Variants in TLN2 observed in about 807,000 individuals in gnomAD.
TLN2 encodes the protein talin 2, also known as talin-2.
Under a neutral mutation model 294.7 loss-of-function variants are expected in TLN2, and 118 were observed. That is an observed-to-expected ratio of 0.40 (90% CI 0.34 to 0.47). The LOEUF is 0.47. Ranked by LOEUF, TLN2 falls within the 20% of genes least tolerant of loss-of-function variation. The pLI, the probability that TLN2 is intolerant of heterozygous loss-of-function variation, is 0.84. For synonymous variants in TLN2, 1,431 were observed against 1,304.5 expected (o/e 1.10, Z -2.09); for missense variants, 3,083 against 3,282.2 (o/e 0.94, Z 1.48).
chr15:62,469,267 G>A lies in TLN2; in HGVS notation c.-238+78582G>A, dbSNP rs2037330873. The stretch of plus-strand genomic sequence containing the variant: ...AACATTGCCATTTCTGTCTGTTCAT[G>A]AGCAGATGCATTTTCTGACCTAGGG... On this transcript the variant is annotated intron_variant, in intron 1 of 58. Coordinates refer to ENST00000636159, the MANE Select transcript of TLN2 (RefSeq NM_015059.3). 3.3e-5 allele frequency among the ~76,000 whole-genome samples: 5 copies of A among 152,218 alleles called. No individual in the cohort carries two copies. In the South Asian group the frequency reaches 1.0e-3, roughly 31 times the overall value.
chr15:62,609,210 T>C (rs1212185058), intron 2 of TLN2, among the ~76,000 whole-genome samples: 1 of 152,132 alleles, frequency 6.6e-6, no homozygotes, highest in African/African-American at 2.4e-5. Context: ...AAGCTGAAAA[T>C]ACAGCACAAA....
chr15:62,697,583 C>T, intron 14 of TLN2, 105 bp from the exon 15 acceptor site: 2 of 1,300,822 alleles, frequency 1.5e-6, no homozygotes, highest in East Asian at 2.5e-5. Context: ...TTTTAGTTGG[C>T]CTTCACAGCA....
chr15:62,693,337 A>G (rs1346256064), intron 13 of TLN2, among the ~76,000 whole-genome samples: 1 of 152,236 alleles, frequency 6.6e-6, no homozygotes. Flanking sequence ...ATCTCAAAAA[A>G]AAACAACAAA....
At chr15:62,754,167 C>G (rs1483659749) in intron 36 of TLN2, 1 of 388,442 alleles carries the variant, frequency 2.6e-6, no homozygotes. Context: ...GTGAGATTGA[C>G]AAGGAGTCTT....
In TLN2 at chr15:62,692,908, G is replaced by T. The variant is rs772780068; in HGVS notation, c.1182G>T (p.Leu394=). Residue 394 remains leucine, a synonymous_variant, in exon 13 of 59, where the codon CTG becomes CTT. Transcript: ENST00000636159. ...CCGAGGGAGAGCAGATATCCCAGCT[G>T]ATTGCAGGCTACATTGACATCATCC... The part of the protein sequence containing the change: ...QTTEGEQISQ[L]IAGYIDIILK... 1.9e-5 allele frequency: 31 copies of T among 1,613,306 alleles called. No individual in the cohort carries two copies. The highest frequency in any genetic ancestry group is 2.5e-5 in the Non-Finnish European group (30 of 1,179,780).
At chr15:62,588,865 A>G (rs2045869002) in intron 1 of TLN2, among the ~76,000 whole-genome samples, 5 of 151,084 alleles carry the variant, frequency 3.3e-5, no homozygotes, top group Admixed American at 3.3e-4. Flanking sequence ...GTCAAAAAAT[A>G]AAATAACAAA....
chr15:62,580,163 T>G (rs1372278154), intron 1 of TLN2, among the ~76,000 whole-genome samples: 2 of 152,308 alleles, frequency 1.3e-5, no homozygotes, highest in East Asian at 3.9e-4. Context: ...CTCTGTATTT[T>G]AAAAAATATT....
intron 1 of TLN2, among the ~76,000 whole-genome samples, chr15:62,484,117 G>T (rs978412285): frequency 1.3e-5 from 2 of 152,160 alleles, no homozygotes; most frequent in African/African-American, 4.8e-5. Context: ...CTGGAAGGCG[G>T]CTCTGGTGAT....
chr15:62,515,232 C>A (rs2040128887), intron 1 of TLN2, among the ~76,000 whole-genome samples: 2 of 152,192 alleles, frequency 1.3e-5, no homozygotes, highest in Non-Finnish European at 2.9e-5. Context: ...TTTATCATAT[C>A]AGTTAGCTCT....
chr15:62,675,474 A>G lies in TLN2; in HGVS notation c.957+153A>G, dbSNP rs547836223. Among the ~76,000 whole-genome samples the G allele has an allele frequency of 7.2e-5, 11 of 152,294 alleles. No individual in the cohort carries two copies. The South Asian group carries it at 2.3e-3, about 32-fold the overall frequency. ...GTGCTGACCTGCGTTTAGCTGCCGC[A>G]CAGGCATGAGGGGTATGACCTGCAG... On this transcript the variant is annotated intron_variant, in intron 11 of 58. Coordinates refer to ENST00000636159, the MANE Select transcript of TLN2 (RefSeq NM_015059.3).
At chr15:62,703,030 AT>A (rs1447751847) in intron 19 of TLN2, among the ~76,000 whole-genome samples, 166 bp downstream of exon 19, 2 of 151,740 alleles carry the variant, frequency 1.3e-5, no homozygotes, top group African/African-American at 4.8e-5. Flanking sequence ...TACCAAAAAG[AT>A]TTTTTTTAAT....
In TLN2 at chr15:62,717,631, A is replaced by T. The variant is rs2059866072; in HGVS notation, c.2819A>T (p.Asn940Ile). 1 of 1,605,798 alleles carries T rather than the reference A, an allele frequency of 6.2e-7. No homozygotes were observed. Among genetic ancestry groups the T allele is most frequent in the East Asian group, 2.2e-5 (1 of 44,534 alleles). The change falls in exon 24 of 59, where the codon AAT becomes ATT. Residue 940 changes from asparagine (N) to isoleucine (I), a missense_variant. By Grantham distance (149) the Asn-to-Ile change is moderately radical. Coordinates refer to ENST00000636159, the MANE Select transcript of TLN2 (RefSeq NM_015059.3). ...ACACAGACCATCGCCGCCTCCCAGA[A>T]TGCAGCTGTTTCCAACAAGAACCCT... Reference protein sequence around the residue: ...AATQTIAASQNAAVSNKNPAA... With the variant: ...AATQTIAASQIAAVSNKNPAA...
intron 1 of TLN2, among the ~76,000 whole-genome samples, chr15:62,448,552 G>A (rs1395350556): frequency 4.6e-5 from 7 of 152,126 alleles, no homozygotes; most frequent in African/African-American, 1.2e-4. Flanking sequence ...GAGAGATACC[G>A]GGTTTATTAT....
chr15:62,641,312 T>C (rs2051071054), intron 3 of TLN2, among the ~76,000 whole-genome samples: 1 of 152,154 alleles, frequency 6.6e-6, no homozygotes, highest in South Asian at 2.1e-4. Context: ...TGACTAATGT[T>C]ATTAATAATA....
chr15:62,708,742 A>G lies in TLN2; in HGVS notation c.2413A>G (p.Thr805Ala), dbSNP rs1306753641. 3 of 1,610,740 alleles carry G rather than the reference A, an allele frequency of 1.9e-6. No individual in the cohort carries two copies. The highest frequency in any genetic ancestry group is 2.5e-6 in the Non-Finnish European group (3 of 1,180,016). ...GEPIGRYDQA[T>A]DTIMCVTESI... Reference sequence around the variant, plus strand: ...GCCCATCGGCCGCTACGACCAGGCTACTGACACCATCATGTGTGTCACCGA... The same window carrying G: ...GCCCATCGGCCGCTACGACCAGGCTGCTGACACCATCATGTGTGTCACCGA... The change falls in exon 21 of 59, where the codon ACT becomes GCT. Residue 805 changes from threonine to alanine, a missense_variant. Physicochemically the swap from Thr to Ala is moderately conservative, Grantham distance 58. Coordinates refer to ENST00000636159, the MANE Select transcript of TLN2 (RefSeq NM_015059.3).
intron 50 of TLN2, among the ~76,000 whole-genome samples, chr15:62,801,359 G>C (rs2065916069): frequency 6.6e-6 from 1 of 152,178 alleles, no homozygotes; most frequent in African/African-American, 2.4e-5. Context: ...GATGATATCT[G>C]CTGTTCTTAT....
chr15:62,708,845 T>C (rs1023472887), intron 21 of TLN2, 49 bp downstream of exon 21: 8 of 1,548,876 alleles, frequency 5.2e-6, no homozygotes, highest in Admixed American at 1.8e-5. Flanking sequence ...TTGATGTTCC[T>C]GATGGTGGTG....
At chr15:62,519,867 T>G (rs368422602) in intron 1 of TLN2, among the ~76,000 whole-genome samples, 49 of 152,312 alleles carry the variant, frequency 3.2e-4, no homozygotes, top group African/African-American at 1.1e-3. Context: ...TATTACTCCG[T>G]TTTCATGCTG....
At chr15:62,590,723 A>G (rs528377492) in intron 2 of TLN2, among the ~76,000 whole-genome samples, 3 of 152,116 alleles carry the variant, frequency 2.0e-5, no homozygotes, top group Admixed American at 6.5e-5. Flanking sequence ...TGTGATCCCA[A>G]GTAGTGTGTA....
Sources: gnomAD v4.1 joint callset for allele counts (sites outside exome capture counted in the v4.1 genomes callset) on GRCh38, gnomAD v4.1.1 for gene constraint, MANE v1.5 for transcripts, NCBI Gene and HGNC (gene_info 2026-07-23, HGNC 2026-07-21) for gene names.